POR: variants seen among roughly 807,000 people sequenced by gnomAD.
The protein encoded by POR is cytochrome p450 oxidoreductase, also known as NADPH--cytochrome P450 reductase.
POR carries 56 observed loss-of-function variants against 84.0 expected under a neutral mutation model. The ratio of observed to expected loss-of-function variants is 0.67; its 90% CI spans 0.54 to 0.83. The LOEUF is 0.83. Ranked by LOEUF, POR falls within the 40% of genes least tolerant of loss-of-function variation. POR has a pLI of 0.00. For missense variants in POR, 938 were observed against 944.3 expected (o/e 0.99, Z 0.09); for synonymous variants, 414 against 400.5 (o/e 1.03, Z -0.40).
chr7:75,983,328 G>GAA (rs2116610852), intron 8 of POR, 192 bp from the exon 9 acceptor site: 1 of 520,490 alleles, frequency 1.9e-6, no homozygotes, highest in East Asian at 3.1e-5. Context: ...GTGGCAGAGC[G>GAA]AAACTCTGTC....
intron 8 of POR, chr7:75,983,257 C>G: frequency 2.5e-6 from 1 of 393,684 alleles, no homozygotes; most frequent in Admixed American, 4.2e-5. Flanking sequence ...AGGAGAATTG[C>G]TTGAACCTGG....
In POR at chr7:75,985,435, G is replaced by A. The variant is rs374588408; in HGVS notation, c.1399-144G>A. Reference sequence around the variant, plus strand: ...CCCAGAACCAGTCCGGGAAGCCGCTGGGGAGGGGGCCTCTGAGGTTTGGGT... The same window carrying A: ...CCCAGAACCAGTCCGGGAAGCCGCTAGGGAGGGGGCCTCTGAGGTTTGGGT... On this transcript the variant is annotated intron_variant, in intron 12 of 15. Transcript: ENST00000461988. 98 of 1,180,770 alleles carry A rather than the reference G, an allele frequency of 8.3e-5. 2 individuals are homozygous for A. In the East Asian group the frequency reaches 1.1e-3, roughly 13 times the overall value. 73.1% of individuals were successfully genotyped at this position (1,180,770 alleles called of 1,614,324 possible).
chr7:75,950,397 C>T (rs76718054), intron 1 of POR, among the ~76,000 whole-genome samples: 2,263 of 152,238 alleles, frequency 0.015, 34 homozygotes, highest in Non-Finnish European at 0.017. Context: ...ATGAGGGGAC[C>T]GGTCACTTGG....
chr7:75,963,268 G>A (rs1788026062), intron 2 of POR, among the ~76,000 whole-genome samples: 1 of 152,198 alleles, frequency 6.6e-6, no homozygotes, highest in Non-Finnish European at 1.5e-5. Context: ...GGGGAAGCCT[G>A]TGGCCACGAG....
chr7:75,936,256 G>A (rs1325867137), intron 1 of POR, among the ~76,000 whole-genome samples: 2 of 150,916 alleles, frequency 1.3e-5, no homozygotes, highest in Admixed American at 1.3e-4. Context: ...GGTGCATGCT[G>A]CGACACCTGG....
At chr7:75,924,484 C>A (rs2116226500) in intron 1 of POR, among the ~76,000 whole-genome samples, 1 of 152,230 alleles carries the variant, frequency 6.6e-6, no homozygotes, top group South Asian at 2.1e-4. Flanking sequence ...GAATTCAAGA[C>A]CATCCTGGGC....
In POR at chr7:75,972,425, CAGAG is replaced by C. The variant is rs1563424843; in HGVS notation, c.206_209del (p.Glu69AlafsTer7). The C allele has an allele frequency of 3.1e-6, 5 of 1,610,090 alleles. No individual in the cohort carries two copies. The highest frequency in any genetic ancestry group is 1.7e-5 in the Admixed American group (1 of 59,392). ...TTTTGTCTTGCAGGACCTCCTCTGT[CAGAG>C]AGAGCAGCTTTGTGGAAAAGATGAA... On this transcript the variant is annotated frameshift_variant, in exon 3 of 16. Coordinates refer to ENST00000461988, the MANE Select transcript of POR (RefSeq NM_000941.3). LOFTEE classifies it high-confidence loss of function.
At chr7:75,965,132 A>G (rs1045483557) in intron 2 of POR, among the ~76,000 whole-genome samples, 7 of 152,188 alleles carry the variant, frequency 4.6e-5, no homozygotes, top group Middle Eastern at 3.2e-3. Context: ...ATGAAGCGCC[A>G]TTTGGAGCTG....
At chr7:75,946,556 G>A (rs1787182599) in intron 1 of POR, among the ~76,000 whole-genome samples, 1 of 152,140 alleles carries the variant, frequency 6.6e-6, no homozygotes, top group African/African-American at 2.4e-5. Context: ...CCAAAGTGCT[G>A]AGATTAAAGG....
chr7:75,933,844 ATGTG>A (rs149976813), intron 1 of POR, among the ~76,000 whole-genome samples: 1 of 150,644 alleles, frequency 6.6e-6, no homozygotes, highest in African/African-American at 2.4e-5. Context: ...TGCTTTATCA[ATGTG>A]TGTGTGTGTG....
At chr7:75,980,247 T>A in intron 4 of POR, 92 bp from the exon 5 acceptor site, 1 of 1,467,556 alleles carries the variant, frequency 6.8e-7, no homozygotes, top group African/African-American at 1.4e-5. Flanking sequence ...GGTGCCACCC[T>A]GGGCAGGACC....
chr7:75,983,971 C>T (rs1789242834), intron 10 of POR, 115 bp downstream of exon 10: 7 of 811,890 alleles, frequency 8.6e-6, no homozygotes, highest in Middle Eastern at 3.1e-4. Flanking sequence ...CCTGGGAGGC[C>T]CTTGCACCGA....
chr7:75,948,969 A>G (rs1354759821), intron 1 of POR, among the ~76,000 whole-genome samples: 2 of 152,096 alleles, frequency 1.3e-5, no homozygotes, highest in African/African-American at 4.8e-5. Flanking sequence ...GAGGGAGTGA[A>G]TTTTGCAAAT....
At position 75,926,789 on chromosome 7, in the gene POR, A is replaced by G. The variant is rs184322267; in HGVS notation, c.-5+11610A>G. Among the ~76,000 whole-genome samples, 35 of 152,080 alleles carry G rather than the reference A, an allele frequency of 2.3e-4. No homozygotes were observed. The East Asian group carries it at 6.8e-3, about 29-fold the overall frequency. On this transcript the variant is annotated intron_variant, in intron 1 of 15. Coordinates refer to ENST00000461988, the MANE Select transcript of POR (RefSeq NM_000941.3). ...ATCCAGCCTGGGCAACAAGAGCGAA[A>G]CTCTGTCTCAAAAAAACAAAAACAA...
chr7:75,952,606 G>A (rs1403291819), intron 1 of POR, among the ~76,000 whole-genome samples: 13 of 151,510 alleles, frequency 8.6e-5, no homozygotes, highest in Non-Finnish European at 1.8e-4. Context: ...CTTCTCAGAC[G>A]GGGCGGCCGG....
intron 1 of POR, chr7:75,918,582 T>G (rs1806692197): frequency 1.3e-5 from 2 of 152,172 alleles, no homozygotes; most frequent in Non-Finnish European, 2.9e-5. Context: ...TTTGGATCCC[T>G]GTAGCGTGAC....
chr7:75,976,375 G>A lies in POR; in HGVS notation c.238-3076G>A, dbSNP rs184835029. 4.5e-3 allele frequency among the ~76,000 whole-genome samples: 682 copies of A among 151,274 alleles called. 5 individuals are homozygous for A. The highest frequency in any genetic ancestry group is 0.018 in the Middle Eastern group (5 of 284). ...GGAGAATCACTTGAACCCGGGAGGCGGAGGTTGCATTGAGCCAAGATCGCA... is the reference window on the plus strand; with the variant it reads ...GGAGAATCACTTGAACCCGGGAGGCAGAGGTTGCATTGAGCCAAGATCGCA... On this transcript the variant is annotated intron_variant, in intron 3 of 15. Transcript: ENST00000461988.
chr7:75,968,227 C>T (rs10954724), intron 2 of POR: 259,780 of 466,008 alleles, frequency 0.56, 73,656 homozygotes, highest in Middle Eastern at 0.63. Flanking sequence ...TTCCTCCTGG[C>T]GGGGACCTGC....
At position 75,985,174 on chromosome 7, in the gene POR, G is replaced by C. The variant is rs782800941; in HGVS notation, c.1365G>C (p.Gln455His). 1 of 1,598,684 alleles carries C rather than the reference G, an allele frequency of 6.3e-7. No individual in the cohort carries two copies. Among genetic ancestry groups the C allele is most frequent in the Non-Finnish European group, 8.5e-7 (1 of 1,179,110 alleles). ...TGTGTGAGCTGCTGCCGCGCCTGCA[G>C]GCCCGCTACTACTCCATCGCCTCAT... is the stretch of plus-strand genomic sequence containing the variant. Residue 455 changes from glutamine to histidine, a missense_variant, in exon 12 of 16, where the codon CAG becomes CAC. Transcript: ENST00000461988.
Sources: allele counts gnomAD v4.1 joint callset (sites outside exome capture counted in the v4.1 genomes callset), GRCh38; gene constraint gnomAD v4.1.1; transcripts MANE v1.5; gene names NCBI Gene and HGNC (gene_info 2026-07-23, HGNC 2026-07-21).